Variants in NOL8 observed in about 807,000 individuals in gnomAD.
The protein encoded by NOL8 is nucleolar protein Nop132.
NOL8 carries 93 observed loss-of-function variants against 116.1 expected under a neutral mutation model. The observed-to-expected ratio is 0.80, with a 90% confidence interval of 0.68 to 0.95. The LOEUF (loss-of-function observed/expected upper bound fraction) is 0.95, where lower values mean the gene tolerates loss of function less well. Ranked by LOEUF, NOL8 falls within the 40% of genes least tolerant of loss-of-function variation. NOL8 has a pLI of 0.00. For missense variants in NOL8, 1,291 were observed against 1,382.8 expected (o/e 0.93, Z 1.05); for synonymous variants, 419 against 469.0 (o/e 0.89, Z 1.38).
At chr9:92,319,795 C>T in intron 4 of NOL8, 1 of 322,722 alleles carries the variant, frequency 3.1e-6, no homozygotes, top group South Asian at 2.6e-5. Flanking sequence ...TTGACCAGTC[C>T]CTTACCACCA....
intron 1 of NOL8, chr9:92,324,833 G>A (rs1289162758): frequency 1.3e-5 from 2 of 152,196 alleles, no homozygotes; most frequent in African/African-American, 4.8e-5. Flanking sequence ...TGCCTGCATT[G>A]TACAAAGTAG....
intron 12 of NOL8, among the ~76,000 whole-genome samples, chr9:92,304,306 C>T (rs559149787): frequency 6.6e-6 from 1 of 152,330 alleles, no homozygotes; most frequent in African/African-American, 2.4e-5. Context: ...TGTTTTCTTT[C>T]ATTGAACAGT....
In NOL8 at chr9:92,314,367, T is replaced by C. The variant is rs879426340; in HGVS notation, c.2258A>G (p.Lys753Arg). The stretch of plus-strand genomic sequence containing the variant: ...ACGCTTCTCATTGTCTTCAGCATGC[T>C]TATCTTTAGCACTCACATCTGACGA... ...SNSSDVSAKDKHAEDNEKRLA... is the reference protein window; with the variant it reads ...SNSSDVSAKDRHAEDNEKRLA... The change falls in exon 7 of 17, where the codon AAG becomes AGG. Residue 753 changes from lysine to arginine, a missense_variant. By Grantham distance (26) the Lys-to-Arg change is conservative (BLOSUM62 2). Transcript: ENST00000442668. 13 of 1,613,482 alleles carry C rather than the reference T, an allele frequency of 8.1e-6. No homozygotes were observed. Among genetic ancestry groups the C allele is most frequent in the Non-Finnish European group, 1.0e-5 (12 of 1,179,464 alleles).
chr9:92,318,926 T>G, intron 5 of NOL8: 1 of 509,310 alleles, frequency 2.0e-6, no homozygotes, highest in Non-Finnish European at 3.4e-6. Context: ...CAAAAAACAC[T>G]GGCTGCTAAT....
chr9:92,315,742 T>C lies in NOL8; in HGVS notation c.883A>G (p.Asn295Asp). 1 of 1,613,486 alleles carries C rather than the reference T, an allele frequency of 6.2e-7. No homozygotes were observed. Among genetic ancestry groups the C allele is most frequent in the Non-Finnish European group, 8.5e-7 (1 of 1,179,624 alleles). ...TCAGTATCATCATCAGAAATGCTGT[T>C]TCTCTTCTTGGCAGTTTCCAAGCCA... The part of the protein sequence containing the change: ...TSGLETAKKR[N>D]SISDDDTDSE... Residue 295 changes from asparagine (N) to aspartate (D), a missense_variant, in exon 7 of 17, where the codon AAC (asparagine) becomes GAC (aspartate). By Grantham distance (23) the Asn-to-Asp change is conservative. Coordinates refer to ENST00000442668, the MANE Select transcript of NOL8 (RefSeq NM_017948.6).
intron 11 of NOL8, among the ~76,000 whole-genome samples, chr9:92,306,633 A>G (rs1838286669): frequency 6.6e-6 from 1 of 152,218 alleles, no homozygotes; most frequent in Admixed American, 6.5e-5. Flanking sequence ...GTTACTATTT[A>G]AACTGTTTCC....
intron 3 of NOL8, chr9:92,323,209 G>A (rs2130745973): frequency 8.5e-7 from 1 of 1,175,764 alleles, no homozygotes; most frequent in Non-Finnish European, 1.1e-6. Flanking sequence ...CAAAATATTT[G>A]AGAATAGCAG....
intron 7 of NOL8, among the ~76,000 whole-genome samples, chr9:92,313,645 A>G (rs758223545): frequency 2.6e-5 from 4 of 152,224 alleles, no homozygotes; most frequent in Non-Finnish European, 5.9e-5. Flanking sequence ...TCACCCTTGT[A>G]TAAACGGTTC....
chr9:92,312,843 A>AG (rs1554741477), intron 7 of NOL8, among the ~76,000 whole-genome samples: 18 of 148,588 alleles, frequency 1.2e-4, no homozygotes, highest in African/African-American at 4.3e-4. Context: ...AAAAAAAAAA[A>AG]AAAAAGAAAA....
At chr9:92,300,051 G>A (rs909987529) in intron 13 of NOL8, 35 bp from the exon 14 acceptor site, 14 of 1,602,384 alleles carry the variant, frequency 8.7e-6, no homozygotes, top group Admixed American at 8.4e-5. Context: ...TGATGGGATT[G>A]TAACTCCACA....
intron 5 of NOL8, 159 bp from the exon 6 acceptor site, chr9:92,318,845 T>A: frequency 1.8e-6 from 1 of 562,446 alleles, no homozygotes; most frequent in South Asian, 2.6e-5. Context: ...AGAAAAATTG[T>A]GAGAGGAAAG....
rs566985084 is a variant in NOL8, at chr9:92,315,740, G to C, written c.885C>G (p.Asn295Lys). The change falls in exon 7 of 17, where the codon AAC (asparagine) becomes AAG (lysine). Residue 295 changes from asparagine to lysine, a missense_variant. By Grantham distance (94) the Asn-to-Lys change is moderately conservative. Coordinates refer to ENST00000442668, the MANE Select transcript of NOL8 (RefSeq NM_017948.6). Reference protein sequence around the residue: ...TSGLETAKKRNSISDDDTDSE... With the variant: ...TSGLETAKKRKSISDDDTDSE... The stretch of plus-strand genomic sequence containing the variant: ...AATCAGTATCATCATCAGAAATGCT[G>C]TTTCTCTTCTTGGCAGTTTCCAAGC... 1 of 1,613,310 alleles carries C rather than the reference G, an allele frequency of 6.2e-7. No homozygotes were observed. Among genetic ancestry groups the C allele is most frequent in the South Asian group, 1.1e-5 (1 of 90,976 alleles).
chr9:92,312,233 T>C (rs963842484), intron 7 of NOL8, among the ~76,000 whole-genome samples: 6 of 151,950 alleles, frequency 3.9e-5, no homozygotes, highest in Admixed American at 2.0e-4. Flanking sequence ...GGCAGGCTGA[T>C]TGCTTGAGCT....
intron 3 of NOL8, among the ~76,000 whole-genome samples, 155 bp from the exon 4 acceptor site, chr9:92,321,901 G>A (rs974905472): frequency 1.3e-5 from 2 of 152,192 alleles, no homozygotes; most frequent in South Asian, 2.1e-4. Flanking sequence ...TGGAGAGAGG[G>A]AGCCTAGGCT....
chr9:92,313,112 G>C (rs948256586), intron 7 of NOL8, among the ~76,000 whole-genome samples: 8 of 151,876 alleles, frequency 5.3e-5, no homozygotes, highest in African/African-American at 1.5e-4. Flanking sequence ...ATCACCATCT[G>C]TTTATTTGCC....
intron 12 of NOL8, among the ~76,000 whole-genome samples, chr9:92,304,603 T>C (rs1252160405): frequency 6.6e-6 from 1 of 152,188 alleles, no homozygotes; most frequent in Non-Finnish European, 1.5e-5. Context: ...TATCCTACAT[T>C]GGAGGGAATA....
At chr9:92,324,643 C>T (rs905321987) in intron 1 of NOL8, 3 of 152,422 alleles carry the variant, frequency 2.0e-5, no homozygotes, top group African/African-American at 7.2e-5. Context: ...AACCTACCCA[C>T]CCCAGCCTTC....
In NOL8 at chr9:92,299,753, A is replaced by G. The variant is rs1046565524; in HGVS notation, c.3302+137T>C. The stretch of plus-strand genomic sequence containing the variant: ...GGCGACAGAGCAACACTCCGTCTCA[A>G]AAAAAAAAAATAAAATAAAAAAAGA... On this transcript the variant is annotated intron_variant, in intron 14 of 16. Coordinates refer to ENST00000442668, the MANE Select transcript of NOL8 (RefSeq NM_017948.6). The G allele has an allele frequency of 4.5e-6, 4 of 894,114 alleles. No individual in the cohort carries two copies. The African/African-American group carries it at 5.1e-5, about 12-fold the overall frequency. The allele number at this position is 894,114 out of a possible 1,614,324, so 55.4% of individuals were successfully genotyped here.
In NOL8 at chr9:92,316,022, A is replaced by T; in HGVS notation, c.603T>A (p.Pro201=). 6.2e-7 allele frequency: 1 copy of T among 1,613,954 alleles called. No homozygotes were observed. The highest frequency in any genetic ancestry group is 8.5e-7 in the Non-Finnish European group (1 of 1,179,880). The change falls in exon 7 of 17, where the codon CCT becomes CCA. Residue 201 remains proline, a synonymous_variant. Transcript: ENST00000442668. ...LTWELEGGND[P]MSKKRRGEFS... ...ACTCTCCTCGCCGTTTCTTACTCAT[A>T]GGGTCATTCCCTCCTTCTAATTCCC...
Sources: gnomAD v4.1 joint callset for allele counts (sites outside exome capture counted in the v4.1 genomes callset) on GRCh38, gnomAD v4.1.1 for gene constraint, MANE v1.5 for transcripts, NCBI Gene and HGNC (gene_info 2026-07-23, HGNC 2026-07-21) for gene names.